The following ZFHX3 variants were observed in gnomAD, a reference collection of about 807,000 sequenced individuals.
ZFHX3 encodes the protein zinc finger homeobox protein 3.
In ZFHX3, 42 loss-of-function variants were observed where a neutral mutation model predicts 279.1. That is an observed-to-expected ratio of 0.15 (90% CI 0.12 to 0.19). The LOEUF is 0.19. Ranked by LOEUF, ZFHX3 falls within the 10% of genes least tolerant of loss-of-function variation. The probability of loss-of-function intolerance (pLI) is 1.00; values close to 1 mark genes in which losing one functional copy is unlikely to be tolerated. For missense variants in ZFHX3, 4,981 were observed against 4,754.0 expected (o/e 1.05, Z -1.40); for synonymous variants, 2,293 against 1,957.8 (o/e 1.17, Z -4.52).
intron 2 of ZFHX3, among the ~76,000 whole-genome samples, chr16:73,494,405 T>G (rs780456038): frequency 2.0e-5 from 3 of 152,174 alleles, no homozygotes; most frequent in Non-Finnish European, 2.9e-5. Context: ...AGGCGAGGTC[T>G]ATTTTCTAGG....
chr16:73,614,414 T>C (rs186133120), intron 2 of ZFHX3, among the ~76,000 whole-genome samples: 18 of 152,368 alleles, frequency 1.2e-4, no homozygotes, highest in Non-Finnish European at 2.2e-4. Context: ...CTTTCTCTTG[T>C]TGGTTTTTTG....
Position 72,793,297 on chromosome 16 carries a change from G to C in ZFHX3, c.9385C>G (p.Leu3129Val), listed in dbSNP as rs2035776639. 2 of 1,614,106 alleles carry C rather than the reference G, an allele frequency of 1.2e-6. No individual in the cohort carries two copies. The highest frequency in any genetic ancestry group is 1.3e-5 in the African/African-American group (1 of 75,056). Residue 3129 changes from leucine to valine, a missense_variant, in exon 9 of 10, where the codon CTC becomes GTC. Leu to Val is a conservative substitution (Grantham distance 32). Transcript: ENST00000268489. The surrounding 1 kb of genome is among the most constrained non-coding windows in gnomAD (Gnocchi z 4.3). Reference sequence around the variant, plus strand: ...AAGCCTGGCAAGGAGGGGCTGTTGAGGCCCGGGAGCAACACAGGAGGAATG... The same window carrying C: ...AAGCCTGGCAAGGAGGGGCTGTTGACGCCCGGGAGCAACACAGGAGGAATG... ...QGIPPVLLPG[L>V]NSPSLPGFTP...
intron 1 of ZFHX3, among the ~76,000 whole-genome samples, chr16:73,782,855 T>C (rs753737929): frequency 2.0e-5 from 3 of 152,268 alleles, no homozygotes; most frequent in Non-Finnish European, 2.9e-5. Context: ...AAATATGCAC[T>C]GTTTCTTAGG....
At chr16:73,163,117 A>G (rs1428271540) in intron 5 of ZFHX3, among the ~76,000 whole-genome samples, 1 of 152,132 alleles carries the variant, frequency 6.6e-6, no homozygotes, top group Non-Finnish European at 1.5e-5. Flanking sequence ...GGGACAACAC[A>G]TGTATTTTTT....
intron 1 of ZFHX3, among the ~76,000 whole-genome samples, chr16:73,702,731 G>C (rs145213086): frequency 6.6e-6 from 1 of 152,252 alleles, no homozygotes; most frequent in East Asian, 1.9e-4. Flanking sequence ...GACTTCAGTG[G>C]AAAATTCAAT....
chr16:73,707,280 G>T (rs745866578), intron 1 of ZFHX3, among the ~76,000 whole-genome samples: 6 of 152,146 alleles, frequency 3.9e-5, no homozygotes, highest in Non-Finnish European at 8.8e-5. Context: ...CTGAGGGAAT[G>T]ATGGTAAATT....
Position 72,793,358 on chromosome 16 carries a change from G to A in ZFHX3, c.9324C>T (p.Ala3108=), listed in dbSNP as rs375745880. Residue 3108 remains alanine (A), a synonymous_variant, in exon 9 of 10, where the codon GCC becomes GCT. Transcript: ENST00000268489. The surrounding 1 kb of genome is among the most constrained non-coding windows in gnomAD (Gnocchi z 4.3). ...CTGGATATGCTGTAGGAAGGTTAAG[G>A]GCCTGAAGAGGGGTGTTGTCAAACA... The part of the protein sequence containing the change: ...QGMFDNTPLQ[A]LNLPTAYPAL... The A allele has an allele frequency of 6.2e-7, 1 of 1,614,144 alleles. No individual in the cohort carries two copies. Among genetic ancestry groups the A allele is most frequent in the Non-Finnish European group, 8.5e-7 (1 of 1,180,022 alleles).
chr16:73,526,043 A>C lies in ZFHX3; in HGVS notation c.-1546-69785T>G, dbSNP rs573928609. On this transcript the variant is annotated intron_variant, in intron 2 of 17. Transcript: ENST00000641206. Reference sequence around the variant, plus strand: ...GTGGTTGGGGACGGGGAAGGAAATAACATAAAGATGAGGACGTGCAGGAAG... The same window carrying C: ...GTGGTTGGGGACGGGGAAGGAAATACCATAAAGATGAGGACGTGCAGGAAG... Among the ~76,000 whole-genome samples, 10 of 152,316 alleles carry C rather than the reference A, an allele frequency of 6.6e-5. No homozygotes were observed. In the East Asian group the frequency reaches 9.7e-4, roughly 15 times the overall value.
Position 73,214,742 on chromosome 16 carries a change from C to G in ZFHX3, c.-1104+42305G>C, listed in dbSNP as rs541169437. Reference sequence around the variant, plus strand: ...ACAACTCAACACAAGAGCCTTTCTTCAAATGGAAATTTTCTGGCATGAGTT... The same window carrying G: ...ACAACTCAACACAAGAGCCTTTCTTGAAATGGAAATTTTCTGGCATGAGTT... On this transcript the variant is annotated intron_variant, in intron 5 of 17. Transcript: ENST00000641206. Among the ~76,000 whole-genome samples the G allele has an allele frequency of 1.9e-4, 28 of 150,322 alleles. 1 individual carries two copies. The highest frequency in any genetic ancestry group is 1.1e-3 in the Admixed American group (17 of 15,068).
chr16:73,352,351 C>A (rs753692447), intron 3 of ZFHX3, among the ~76,000 whole-genome samples: 5 of 152,170 alleles, frequency 3.3e-5, no homozygotes, highest in Non-Finnish European at 7.3e-5. Context: ...CTTGACCTCT[C>A]TGTGCCTGGA....
intron 1 of ZFHX3, among the ~76,000 whole-genome samples, chr16:73,855,381 G>A (rs1485877755): frequency 1.3e-5 from 2 of 152,140 alleles, no homozygotes; most frequent in Non-Finnish European, 2.9e-5. Context: ...TTCACATTCA[G>A]TGGCCTTCCT....
intron 3 of ZFHX3, among the ~76,000 whole-genome samples, chr16:73,432,865 C>T (rs2017932668): frequency 6.6e-6 from 1 of 152,170 alleles, no homozygotes; most frequent in South Asian, 2.1e-4. Context: ...TTTCAAGCTC[C>T]CCTGCCTCCC....
chr16:73,093,636 G>C, intron 7 of ZFHX3: 1 of 489,002 alleles, frequency 2.0e-6, no homozygotes, highest in South Asian at 1.5e-5. Context: ...GAGTGAACTC[G>C]GCCTCTCCCC....
intron 2 of ZFHX3, among the ~76,000 whole-genome samples, chr16:73,603,900 T>C (rs1385005869): frequency 6.7e-6 from 1 of 149,350 alleles, no homozygotes; most frequent in Non-Finnish European, 1.5e-5. Context: ...TGCCTCAGCC[T>C]CCCAAGTAGG....
chr16:73,545,794 A>C (rs77047600), intron 2 of ZFHX3, among the ~76,000 whole-genome samples: 1 of 80,954 alleles, frequency 1.2e-5, no homozygotes, highest in African/African-American at 6.4e-5. Flanking sequence ...TGCTGAAATT[A>C]AAAAAAAAAA....
intron 3 of ZFHX3, among the ~76,000 whole-genome samples, chr16:73,455,106 G>A (rs2143568037): frequency 6.6e-6 from 1 of 152,286 alleles, no homozygotes; most frequent in South Asian, 2.1e-4. Context: ...GTCCATCACA[G>A]ATGGAGTAGC....
Position 72,788,349 on chromosome 16 carries a change from A to G in ZFHX3, c.9927T>C (p.Pro3309=). Residue 3309 remains proline (P), a synonymous_variant, in exon 10 of 10, where the codon CCT becomes CCC. Transcript: ENST00000268489. ...PTALLTSQFL[P]YFVPGFSPYY... ...AAGGAGAAAAGCCTGGTACAAAGTA[A>G]GGAAGGAACTGGCTTGTGAGCAATG... 6.2e-7 allele frequency: 1 copy of G among 1,614,184 alleles called. No individual in the cohort carries two copies. Among genetic ancestry groups the G allele is most frequent in the East Asian group, 2.2e-5 (1 of 44,864 alleles).
At chr16:73,056,386 AAAC>A (rs1965556971) in intron 1 of ZFHX3, among the ~76,000 whole-genome samples, 1 of 152,044 alleles carries the variant, frequency 6.6e-6, no homozygotes, top group Non-Finnish European at 1.5e-5. Flanking sequence ...GTTAAAAAAA[AAAC>A]AACAAACCTA....
chr16:73,116,060 C>T (rs141147828), intron 7 of ZFHX3, among the ~76,000 whole-genome samples: 3 of 150,636 alleles, frequency 2.0e-5, no homozygotes, highest in Non-Finnish European at 2.9e-5. Context: ...GCGGAGGTTG[C>T]GGTGAGCAGA....
Sources: allele counts gnomAD v4.1 joint callset (sites outside exome capture counted in the v4.1 genomes callset), GRCh38; gene constraint gnomAD v4.1.1; non-coding constraint Gnocchi (gnomAD v3.1); transcripts MANE v1.5; gene names NCBI Gene and HGNC (gene_info 2026-07-23, HGNC 2026-07-21).